Variants in PIAS2 observed in about 807,000 individuals in gnomAD.
PIAS2 encodes the protein protein inhibitor of activated STAT 2.
Under a neutral mutation model 69.7 loss-of-function variants are expected in PIAS2, and 19 were observed. The observed-to-expected ratio is 0.27, with a 90% CI of 0.19 to 0.40. The LOEUF is 0.40. PIAS2 is among the 10% of genes least tolerant of loss of function. The pLI is 1.00. For missense variants in PIAS2, 624 were observed against 757.0 expected (o/e 0.82, Z 2.06); for synonymous variants, 261 against 263.2 (o/e 0.99, Z 0.08).
intron 1 of PIAS2, among the ~76,000 whole-genome samples, chr18:46,914,727 G>A (rs1241825364): frequency 6.6e-6 from 1 of 152,072 alleles, no homozygotes; most frequent in Admixed American, 6.6e-5. Flanking sequence ...GAGTAGCCTT[G>A]AAGGGTAATG....
intron 3 of PIAS2, among the ~76,000 whole-genome samples, chr18:46,859,887 G>C (rs2048405352): frequency 6.6e-6 from 1 of 152,172 alleles, no homozygotes; most frequent in Admixed American, 6.5e-5. Flanking sequence ...GAGAATCCCA[G>C]ATTGATCCCT....
At chr18:46,880,439 A>G (rs1032928655) in intron 2 of PIAS2, among the ~76,000 whole-genome samples, 1 of 152,052 alleles carries the variant, frequency 6.6e-6, no homozygotes, top group Non-Finnish European at 1.5e-5. Context: ...AGTGACACAC[A>G]CTTACAGTGA....
chr18:46,914,383 C>A (rs1273189692), intron 1 of PIAS2, among the ~76,000 whole-genome samples: 3 of 152,130 alleles, frequency 2.0e-5, no homozygotes, highest in Non-Finnish European at 2.9e-5. Flanking sequence ...CCCAGAAGAA[C>A]TGGAAGAGAG....
rs371435945 is a variant in PIAS2 at position 46,878,905 on chromosome 18, G to A, written c.499+11675C>T. ...AACAAAAACAAGAATGCTTCCTAGC[G>A]GTTACTGCCAAGGTTAACAGGGGCT... On this transcript the variant is annotated intron_variant, in intron 2 of 13. Coordinates refer to ENST00000585916, the MANE Select transcript of PIAS2 (RefSeq NM_004671.5). Among the ~76,000 whole-genome samples the A allele has an allele frequency of 3.6e-4, 55 of 152,224 alleles. No homozygotes were observed. The South Asian group carries it at 8.9e-3, about 25-fold the overall frequency.
At chr18:46,870,122 C>T (rs781351251) in intron 2 of PIAS2, among the ~76,000 whole-genome samples, 5 of 152,218 alleles carry the variant, frequency 3.3e-5, no homozygotes, top group East Asian at 3.9e-4. Flanking sequence ...CCTAACCACA[C>T]GTCTGAGTCT....
At chr18:46,829,476 T>C (rs956890226) in intron 10 of PIAS2, among the ~76,000 whole-genome samples, 1 of 152,236 alleles carries the variant, frequency 6.6e-6, no homozygotes, top group African/African-American at 2.4e-5. Context: ...GTAACAAACA[T>C]CATATTTTAA....
chr18:46,809,137 T>C lies in PIAS2; in HGVS notation c.*3296A>G, dbSNP rs2040851804. 6.6e-6 allele frequency: 1 copy of C among 152,232 alleles called. No individual in the cohort carries two copies. Among genetic ancestry groups the C allele is most frequent in the Admixed American group, 6.5e-5 (1 of 15,290 alleles). The allele number at this position is 152,232 out of a possible 1,614,324, so 9.4% of individuals were successfully genotyped here. On this transcript the variant is annotated 3_prime_UTR_variant, in exon 14 of 14. Transcript: ENST00000585916. ...CAAGACTAAGGAAAACTTGGTTTTATACCAAGAATTATGAATCAACCTACA... is the reference window on the plus strand; with the variant it reads ...CAAGACTAAGGAAAACTTGGTTTTACACCAAGAATTATGAATCAACCTACA...
intron 3 of PIAS2, among the ~76,000 whole-genome samples, chr18:46,859,016 C>T (rs924604986): frequency 8.5e-5 from 13 of 152,148 alleles, no homozygotes; most frequent in African/African-American, 2.2e-4. Context: ...TAGGGGCATA[C>T]GGACCTAAGT....
intron 1 of PIAS2, chr18:46,901,177 G>A (rs774376499): frequency 1.2e-5 from 4 of 337,816 alleles, no homozygotes; most frequent in Non-Finnish European, 1.7e-5. Context: ...CAGCACTTTG[G>A]GAGGCCAAGG....
chr18:46,852,013 T>G (rs1344331597), intron 5 of PIAS2, among the ~76,000 whole-genome samples: 1 of 152,188 alleles, frequency 6.6e-6, no homozygotes, highest in Non-Finnish European at 1.5e-5. Context: ...TGTGGCTTGT[T>G]GATGCTTCTT....
At chr18:46,815,020 A>G (rs2041359797) in intron 13 of PIAS2, among the ~76,000 whole-genome samples, 1 of 152,214 alleles carries the variant, frequency 6.6e-6, no homozygotes, top group South Asian at 2.1e-4. Context: ...ACTTCTAGCC[A>G]CCCAGCACTG....
Position 46,835,818 on chromosome 18 carries a change from G to A in PIAS2, c.1202+539C>T, listed in dbSNP as rs185487181. Reference sequence around the variant, plus strand: ...AAATCTTACATGGTACATGGATGACGTGCAATTTTTAAAAAAGTATTATTT... The same window carrying A: ...AAATCTTACATGGTACATGGATGACATGCAATTTTTAAAAAAGTATTATTT... On this transcript the variant is annotated intron_variant, in intron 9 of 13. Transcript: ENST00000585916. Among the ~76,000 whole-genome samples, 276 of 152,116 alleles carry A rather than the reference G, an allele frequency of 1.8e-3. 9 individuals are homozygous for A. The highest frequency in any genetic ancestry group is 0.016 in the Admixed American group (251 of 15,292).
intron 1 of PIAS2, 36 bp downstream of exon 1, chr18:46,917,286 C>T (rs1299948190): frequency 3.1e-5 from 45 of 1,459,182 alleles, no homozygotes; most frequent in Non-Finnish European, 1.8e-6. Flanking sequence ...TCTCCCATCC[C>T]CTCCCCCGCG....
At chr18:46,865,547 T>C (rs1444365817) in intron 2 of PIAS2, among the ~76,000 whole-genome samples, 1 of 144,380 alleles carries the variant, frequency 6.9e-6, no homozygotes, top group South Asian at 2.2e-4. Context: ...AAAAGGCAAA[T>C]GGTCCTTGTA....
At chr18:46,832,892 C>CAAAAAAAAAAAAAAAAAAAAAAAA (rs34958166) in intron 9 of PIAS2, among the ~76,000 whole-genome samples, 43 of 105,956 alleles carry the variant, frequency 4.1e-4, no homozygotes, top group Non-Finnish European at 6.3e-4. Context: ...CCTCTGTCTC[C>CAAAAAAAAAAAAAAAAAAAAAAAA]AAAAAAAAAA....
intron 9 of PIAS2, among the ~76,000 whole-genome samples, chr18:46,831,382 T>C (rs1324617807): frequency 6.6e-6 from 1 of 152,002 alleles, no homozygotes; most frequent in African/African-American, 2.4e-5. Context: ...GAAAGATACA[T>C]CCTGTTCATA....
chr18:46,859,666 A>G (rs2048375197), intron 3 of PIAS2, among the ~76,000 whole-genome samples: 3 of 152,182 alleles, frequency 2.0e-5, no homozygotes, highest in Non-Finnish European at 2.9e-5. Context: ...GACAGTTAAT[A>G]AATGTGTGCT....
chr18:46,892,062 C>A (rs533478320), intron 1 of PIAS2, among the ~76,000 whole-genome samples: 2 of 152,104 alleles, frequency 1.3e-5, no homozygotes, highest in South Asian at 2.1e-4. Flanking sequence ...TGTCCCATCC[C>A]ATCCTCATCA....
intron 2 of PIAS2, among the ~76,000 whole-genome samples, chr18:46,881,755 G>T (rs1057036117): frequency 2.0e-5 from 3 of 152,178 alleles, no homozygotes; most frequent in Non-Finnish European, 2.9e-5. Flanking sequence ...CCCTAACTGT[G>T]TAACAAACAC....
Sources: allele counts gnomAD v4.1 joint callset (sites outside exome capture counted in the v4.1 genomes callset), GRCh38; gene constraint gnomAD v4.1.1; transcripts MANE v1.5; gene names NCBI Gene and HGNC (gene_info 2026-07-23, HGNC 2026-07-21).